COG5: variants seen among roughly 807,000 people sequenced by gnomAD.
The protein encoded by COG5 is conserved oligomeric Golgi complex subunit 5.
In COG5, 86 loss-of-function variants were observed where a neutral mutation model predicts 110.4. The ratio of observed to expected loss-of-function variants is 0.78; its 90% CI spans 0.65 to 0.93. COG5 has a LOEUF of 0.93. Ranked by LOEUF, COG5 falls within the 40% of genes least tolerant of loss-of-function variation. The pLI is 0.00. For missense variants in COG5, 1,077 were observed against 987.0 expected, an observed-to-expected ratio of 1.09 and a Z score of -1.22; for synonymous variants, 360 against 334.6, an observed-to-expected ratio of 1.08 and a Z score of -0.83.
At chr7:107,350,493 T>C (rs1812041364) in intron 10 of COG5, among the ~76,000 whole-genome samples, 1 of 152,232 alleles carries the variant, frequency 6.6e-6, no homozygotes, top group South Asian at 2.1e-4. Flanking sequence ...AGATTCTTTA[T>C]CAGATAATTC....
rs774491277 is a variant in COG5 at position 107,552,112 on chromosome 7, T to C, written c.292+2173A>G. On this transcript the variant is annotated intron_variant, in intron 3 of 21. Coordinates refer to ENST00000297135, the MANE Select transcript of COG5 (RefSeq NM_006348.5). Reference sequence around the variant, plus strand: ...CAAGCACATTATAAACTAAAACACATATTTAAAAACCACAATGAGAAATAT... The same window carrying C: ...CAAGCACATTATAAACTAAAACACACATTTAAAAACCACAATGAGAAATAT... 3.2e-4 allele frequency among the ~76,000 whole-genome samples: 49 copies of C among 152,182 alleles called. 1 individual carries two copies. The highest frequency in any genetic ancestry group is 6.2e-4 in the Non-Finnish European group (42 of 68,036).
chr7:107,243,888 T>C (rs1584564323), intron 17 of COG5, among the ~76,000 whole-genome samples: 2 of 152,128 alleles, frequency 1.3e-5, no homozygotes, highest in Admixed American at 1.3e-4. Context: ...TGCAATTACA[T>C]GGAAATTAAA....
intron 6 of COG5, chr7:107,470,225 G>A (rs959412557): frequency 1.6e-4 from 24 of 152,350 alleles, no homozygotes; most frequent in African/African-American, 5.5e-4. Context: ...TAGGAAGAGT[G>A]AGAGACTGCA....
intron 17 of COG5, among the ~76,000 whole-genome samples, chr7:107,247,431 G>A (rs1022257265): frequency 6.6e-6 from 1 of 152,108 alleles, no homozygotes; most frequent in African/African-American, 2.4e-5. Flanking sequence ...AAAAGTAGAG[G>A]ACAGTGAAAT....
intron 19 of COG5, among the ~76,000 whole-genome samples, chr7:107,227,547 G>A (rs987478145): frequency 2.6e-5 from 4 of 152,108 alleles, no homozygotes. Context: ...GGAAAGGGTT[G>A]GCAGAAAATT....
intron 10 of COG5, among the ~76,000 whole-genome samples, chr7:107,347,954 T>C (rs1237577188): frequency 6.6e-6 from 1 of 151,522 alleles, no homozygotes; most frequent in East Asian, 2.0e-4. Context: ...GTGAAACCCC[T>C]GTCTCTACTA....
chr7:107,437,154 G>A (rs1414251228), intron 6 of COG5, among the ~76,000 whole-genome samples: 3 of 152,126 alleles, frequency 2.0e-5, no homozygotes, highest in Non-Finnish European at 4.4e-5. Context: ...TTTCAAATGA[G>A]ATATTTACCA....
At chr7:107,324,006 A>G (rs1251576833) in intron 11 of COG5, among the ~76,000 whole-genome samples, 1 of 152,190 alleles carries the variant, frequency 6.6e-6, no homozygotes, top group Non-Finnish European at 1.5e-5. Context: ...CGATGTAGAT[A>G]TTTCACCTGT....
chr7:107,508,252 G>A (rs1192184235), intron 6 of COG5, among the ~76,000 whole-genome samples: 1 of 152,218 alleles, frequency 6.6e-6, no homozygotes, highest in Non-Finnish European at 1.5e-5. Flanking sequence ...TGGCTCGGAG[G>A]GTCCTATGCC....
intron 6 of COG5, among the ~76,000 whole-genome samples, chr7:107,497,424 T>C (rs1011606663): frequency 1.3e-5 from 2 of 152,056 alleles, no homozygotes; most frequent in Admixed American, 6.6e-5. Context: ...CAAAAAACTA[T>C]TAACATAAAA....
At chr7:107,554,208 C>T in intron 3 of COG5, 77 bp downstream of exon 3, 1 of 1,252,616 alleles carries the variant, frequency 8.0e-7, no homozygotes, top group African/African-American at 1.5e-5. Flanking sequence ...AAATACTTGC[C>T]ATCCAAAGTA....
intron 19 of COG5, among the ~76,000 whole-genome samples, chr7:107,227,537 GGAAAGGGTTGGCA>G (rs1800438546): frequency 6.6e-6 from 1 of 152,118 alleles, no homozygotes; most frequent in Non-Finnish European, 1.5e-5. Flanking sequence ...TGTGAGAATT[GGAAAGGGTTGGCA>G]GAAAATTTCC....
intron 19 of COG5, among the ~76,000 whole-genome samples, chr7:107,224,182 C>G (rs1800156279): frequency 6.6e-6 from 1 of 152,116 alleles, no homozygotes; most frequent in South Asian, 2.1e-4. Context: ...AAAGAAAAGA[C>G]AGAATGCATC....
Position 107,474,970 on chromosome 7 carries a change from C to T in COG5, c.538+52267G>A, listed in dbSNP as rs747715314. On this transcript the variant is annotated intron_variant, in intron 6 of 21. Transcript: ENST00000297135. The surrounding 1 kb of genome is among the most constrained non-coding windows in gnomAD (Gnocchi z 5.7). Reference sequence around the variant, plus strand: ...GCGAGCTGTGAAACGACACCGTGAACGACGAGAAAGACAAAAGAGAGTCTT... The same window carrying T: ...GCGAGCTGTGAAACGACACCGTGAATGACGAGAAAGACAAAAGAGAGTCTT... 1.2e-6 allele frequency: 2 copies of T among 1,612,196 alleles called. No homozygotes were observed. Among genetic ancestry groups the T allele is most frequent in the Admixed American group, 1.7e-5 (1 of 59,688 alleles).
chr7:107,359,587 A>T (rs10260092), intron 10 of COG5, among the ~76,000 whole-genome samples: 21,739 of 152,150 alleles, frequency 0.14, 2,370 homozygotes, highest in African/African-American at 0.3. Flanking sequence ...GACTGGAGTG[A>T]CAAGTTATGG....
In COG5 at chr7:107,530,400, G is replaced by C. The variant is rs540535187; in HGVS notation, c.418-3043C>G. ...GCGGATCACCTTAGGTCGAGAGTTC[G>C]AGACCAGCCTGACCAACATGGAGAA... is the stretch of plus-strand genomic sequence containing the variant. On this transcript the variant is annotated intron_variant, in intron 5 of 21. Transcript: ENST00000297135. Among the ~76,000 whole-genome samples the C allele has an allele frequency of 7.2e-5, 11 of 152,174 alleles. No homozygotes were observed. In the East Asian group the frequency reaches 2.1e-3, roughly 29 times the overall value.
intron 7 of COG5, among the ~76,000 whole-genome samples, chr7:107,402,379 A>G (rs1178490873): frequency 4.6e-5 from 7 of 152,324 alleles, no homozygotes; most frequent in Admixed American, 2.0e-4. Flanking sequence ...AAAGACAAGT[A>G]AACACATTAT....
chr7:107,530,536 G>T (rs1801120670), intron 5 of COG5, among the ~76,000 whole-genome samples: 1 of 148,868 alleles, frequency 6.7e-6, no homozygotes, highest in East Asian at 2.0e-4. Flanking sequence ...GGGAGGCGGA[G>T]GTTGCGATGA....
chr7:107,254,996 G>A (rs960571867), intron 16 of COG5, among the ~76,000 whole-genome samples: 3 of 152,162 alleles, frequency 2.0e-5, no homozygotes, highest in Admixed American at 1.3e-4. Context: ...TGAAACTTCT[G>A]TATCAATTAT....
Sources: allele counts gnomAD v4.1 joint callset (sites outside exome capture counted in the v4.1 genomes callset), GRCh38; gene constraint gnomAD v4.1.1; non-coding constraint Gnocchi (gnomAD v3.1); transcripts MANE v1.5; gene names NCBI Gene and HGNC (gene_info 2026-07-23, HGNC 2026-07-21).